Variants in ZAN observed in about 807,000 individuals in gnomAD.
ZAN encodes the protein zonadhesin.
Under a neutral mutation model 286.2 loss-of-function variants are expected in ZAN, and 260 were observed. The ratio of observed to expected loss-of-function variants is 0.91; its 90% CI spans 0.82 to 1.01. The LOEUF is 1.01. Among genes scored for constraint, ZAN ranks in the 50% least tolerant of loss-of-function variants. The pLI, the probability that ZAN is intolerant of heterozygous loss-of-function variation, is 0.00. For synonymous variants in ZAN, 1,368 were observed against 1,417.5 expected (o/e 0.97, Z 0.79); for missense variants, 3,410 against 3,639.2 (o/e 0.94, Z 1.62).
intron 35 of ZAN, among the ~76,000 whole-genome samples, chr7:100,782,192 CT>C (rs35837366): frequency 1.6e-3 from 231 of 143,944 alleles, no homozygotes; most frequent in East Asian, 2.0e-3. Context: ...CATCTTTTGA[CT>C]TTTTTTTTTT....
At chr7:100,734,628 A>AC (rs1398201817) in intron 2 of ZAN, among the ~76,000 whole-genome samples, 1 of 139,120 alleles carries the variant, frequency 7.2e-6, no homozygotes, top group African/African-American at 2.6e-5. Flanking sequence ...CAAAAAAAAA[A>AC]AAACAAAAAA....
Position 100,751,564 on chromosome 7 carries a change from T to C in ZAN, c.1607-148T>C. ...GCATAATATCTGACATATATTAGTG[T>C]TCGTTGAGTGGATGAAGGTTGGGGT... On this transcript the variant is annotated intron_variant, in intron 13 of 47. Coordinates refer to ENST00000613979, the MANE Select transcript of ZAN (RefSeq NM_003386.3). The C allele has an allele frequency of 9.3e-6, 8 of 857,576 alleles. No homozygotes were observed. The South Asian group carries it at 1.4e-4, about 15-fold the overall frequency. 53.1% of individuals were successfully genotyped at this position (857,576 alleles called of 1,614,324 possible). A position where few individuals can be genotyped will look rare whatever the true frequency, so the allele number is the denominator to read the frequency against.
At chr7:100,741,086 G>C (rs1232550995) in intron 7 of ZAN, among the ~76,000 whole-genome samples, 9 of 62,384 alleles carry the variant, frequency 1.4e-4, no homozygotes, top group Non-Finnish European at 3.1e-4. Flanking sequence ...CCCGGACGGG[G>C]CGGCTGGCCG....
chr7:100,758,711 A>G (rs1388525482), intron 17 of ZAN, 61 bp downstream of exon 17: 2 of 1,533,836 alleles, frequency 1.3e-6, no homozygotes, highest in Non-Finnish European at 1.8e-6. Context: ...GCTGCTAGGC[A>G]TGGGGCATGG....
At position 100,779,781 on chromosome 7, in the gene ZAN, C is replaced by T. The variant is rs1278101688; in HGVS notation, c.6622+31C>T. 8.5e-6 allele frequency: 13 copies of T among 1,527,486 alleles called. No individual in the cohort carries two copies. The East Asian group carries it at 3.0e-4, about 35-fold the overall frequency. The allele number at this position is 1,527,486 out of a possible 1,614,324, so 94.6% of individuals were successfully genotyped here. A position where few individuals can be genotyped will look rare whatever the true frequency, so the allele number is the denominator to read the frequency against. On this transcript the variant is annotated intron_variant, in intron 35 of 47. Transcript: ENST00000613979. ...TGTGCCCTGCTGTCACCCCAAACCC[C>T]TCCCAAACCCCCTTTCCCTCTCTGC...
chr7:100,767,393 C>A, intron 25 of ZAN, 136 bp downstream of exon 25: 1 of 1,296,808 alleles, frequency 7.7e-7, no homozygotes, highest in Non-Finnish European at 1.0e-6. Flanking sequence ...GACCCAGACC[C>A]TCTTCTCTGG....
At chr7:100,780,193 CAA>C (rs920237460) in intron 35 of ZAN, among the ~76,000 whole-genome samples, 8 of 122,946 alleles carry the variant, frequency 6.5e-5, no homozygotes, top group African/African-American at 1.5e-4. Context: ...CACTCCATCT[CAA>C]AAAAAAAAAA....
chr7:100,739,959 G>A (rs1160713118), intron 7 of ZAN, among the ~76,000 whole-genome samples: 2 of 141,798 alleles, frequency 1.4e-5, no homozygotes, highest in African/African-American at 5.1e-5. Context: ...GTGCCTGGGC[G>A]AGTTACCGAT....
Position 100,745,342 on chromosome 7 carries a change from G to C in ZAN, c.767-1196G>C, listed in dbSNP as rs145693406. On this transcript the variant is annotated intron_variant, in intron 7 of 47. Transcript: ENST00000613979. ...TCCCACCTTCGGCAGGAGTGAGCGC[G>C]CGCCAGGCAAGACTCCCTTGGACTC... Among the ~76,000 whole-genome samples, 77 of 151,742 alleles carry C rather than the reference G, an allele frequency of 5.1e-4. 1 individual carries two copies. Among genetic ancestry groups the C allele is most frequent in the Non-Finnish European group, 9.3e-4 (63 of 67,934 alleles).
At chr7:100,750,057 A>G (rs1282184738) in intron 11 of ZAN, among the ~76,000 whole-genome samples, 1 of 101,424 alleles carries the variant, frequency 9.9e-6, no homozygotes, top group East Asian at 3.3e-4. Flanking sequence ...TCTCAAAAAA[A>G]CAACACACAC....
At chr7:100,791,227 T>C (rs1811935781) in intron 40 of ZAN, 114 bp downstream of exon 40, 3 of 1,336,700 alleles carry the variant, frequency 2.2e-6, no homozygotes, top group South Asian at 1.4e-5. Flanking sequence ...AGGGTGCAGA[T>C]AGGCCTGGAT....
At position 100,752,191 on chromosome 7, in the gene ZAN, CCCA is replaced by C; in HGVS notation, c.2090_2092del (p.Thr697del). 2 of 1,612,322 alleles carry C rather than the reference CCCA, an allele frequency of 1.2e-6. No individual in the cohort carries two copies. Among genetic ancestry groups the C allele is most frequent in the Non-Finnish European group, 1.7e-6 (2 of 1,179,578 alleles). ...AAAACCCAGCATCCCCACGGAAAAA[CCCA>C]CCATCTCCATGGAAGAGACTATCAT... is the stretch of plus-strand genomic sequence containing the variant. On this transcript the variant is annotated inframe_deletion, in exon 14 of 48. Transcript: ENST00000613979.
intron 8 of ZAN, 33 bp downstream of exon 8, chr7:100,746,735 A>C (rs749477261): frequency 3.0e-5 from 48 of 1,606,940 alleles, no homozygotes; most frequent in Admixed American, 1.3e-4. Context: ...ATTTACACTG[A>C]TCTGGGCGCA....
rs1352620207 is a variant in ZAN, at chr7:100,797,766, G to A, written c.*34G>A. ...GTTTTGAGCTGTCTTCAGACAAGAA[G>A]ATTAAATAAATTTATATATTTATTT... On this transcript the variant is annotated 3_prime_UTR_variant, in exon 48 of 48. Transcript: ENST00000613979. The A allele has an allele frequency of 5.0e-6, 8 of 1,610,610 alleles. No individual in the cohort carries two copies. The highest frequency in any genetic ancestry group is 6.8e-6 in the Non-Finnish European group (8 of 1,178,286).
At chr7:100,755,174 TC>T (rs777576036) in intron 14 of ZAN, 51 bp from the exon 15 acceptor site, 367 of 1,556,214 alleles carry the variant, frequency 2.4e-4, no homozygotes, top group South Asian at 3.5e-4. Flanking sequence ...ACAGGGAGAC[TC>T]CCTGAGAAAG....
rs76321350 is a variant in ZAN, at chr7:100,783,819, T to C, written c.6623-804T>C. Among the ~76,000 whole-genome samples the C allele has an allele frequency of 1.5e-3, 42 of 28,632 alleles. 3 individuals carry two copies. The highest frequency in any genetic ancestry group is 2.5e-3 in the African/African-American group (33 of 13,298). 18.8% of individuals were successfully genotyped at this position (28,632 alleles called of 152,430 possible). The stretch of plus-strand genomic sequence containing the variant: ...ATATATACACACATATATATATACA[T>C]ATATATATATGTATATTTTATTGAG... On this transcript the variant is annotated intron_variant, in intron 35 of 47. Coordinates refer to ENST00000613979, the MANE Select transcript of ZAN (RefSeq NM_003386.3).
At chr7:100,764,880 A>T (rs994841169) in intron 22 of ZAN, among the ~76,000 whole-genome samples, 1 of 144,820 alleles carries the variant, frequency 6.9e-6, no homozygotes. Context: ...CTCTGTCTTT[A>T]AAAAAAAAAA....
Position 100,737,213 on chromosome 7 carries a change from G to C in ZAN, c.526-49G>C. The C allele has an allele frequency of 1.6e-5, 22 of 1,408,462 alleles. 8 individuals carry two copies. Among genetic ancestry groups the C allele is most frequent in the Non-Finnish European group, 1.9e-5 (20 of 1,028,750 alleles). The allele number at this position is 1,408,462 out of a possible 1,614,324, so 87.2% of individuals were successfully genotyped here. On this transcript the variant is annotated intron_variant, in intron 5 of 47. Transcript: ENST00000613979. ...TCAGGAAGAAAACTAGGAGCCAGGA[G>C]GCCTGGCTGAGGGGCTCATGGGGTT...
intron 19 of ZAN, among the ~76,000 whole-genome samples, chr7:100,760,860 C>T (rs569521481): frequency 1.3e-5 from 2 of 152,220 alleles, no homozygotes; most frequent in East Asian, 3.9e-4. Flanking sequence ...GGAAGAGTGG[C>T]TCCCCAGATG....
Sources: allele counts gnomAD v4.1 joint callset (sites outside exome capture counted in the v4.1 genomes callset), GRCh38; gene constraint gnomAD v4.1.1; transcripts MANE v1.5; gene names NCBI Gene and HGNC (gene_info 2026-07-23, HGNC 2026-07-21).